Variants in CCNF observed in about 807,000 individuals in gnomAD.
The protein encoded by CCNF is cyclin-F.
A neutral mutation model predicts 85.4 loss-of-function variants in CCNF; 30 were observed. The observed-to-expected ratio is 0.35, with a 90% CI of 0.26 to 0.48. The LOEUF (loss-of-function observed/expected upper bound fraction) is 0.48. Ranked by LOEUF, CCNF falls within the 20% of genes least tolerant of loss-of-function variation. The pLI is 0.99. For missense variants in CCNF, 919 were observed against 1,010.4 expected, an observed-to-expected ratio of 0.91 and a Z score of 1.23; for synonymous variants, 439 against 425.1, an observed-to-expected ratio of 1.03 and a Z score of -0.40.
In CCNF at chr16:2,429,606, G is replaced by T. The variant is rs899585935; in HGVS notation, c.16+109G>T. 1.9e-5 allele frequency: 20 copies of T among 1,043,104 alleles called. No individual in the cohort carries two copies. In the East Asian group the frequency reaches 6.7e-4, roughly 35 times the overall value. 64.6% of individuals were successfully genotyped at this position (1,043,104 alleles called of 1,614,324 possible). Reference sequence around the variant, plus strand: ...GGGAGGCCCTGGCGGCCTGAAGAGGGCTGGCTCGAGCTCTTTAACCCGGGG... The same window carrying T: ...GGGAGGCCCTGGCGGCCTGAAGAGGTCTGGCTCGAGCTCTTTAACCCGGGG... On this transcript the variant is annotated intron_variant, in intron 1 of 16. Coordinates refer to ENST00000397066, the MANE Select transcript of CCNF (RefSeq NM_001761.3).
intron 10 of CCNF, among the ~76,000 whole-genome samples, chr16:2,447,044 C>T (rs1410232467): frequency 2.0e-5 from 3 of 152,170 alleles, no homozygotes; most frequent in African/African-American, 4.8e-5. Flanking sequence ...CCAGGTCTTC[C>T]GACCAGAGAC....
At chr16:2,444,070 C>A (rs921198612) in intron 9 of CCNF, among the ~76,000 whole-genome samples, 1 of 151,920 alleles carries the variant, frequency 6.6e-6, no homozygotes, top group African/African-American at 2.4e-5. Context: ...CAGGCACCCA[C>A]CACCATGCCC....
rs376206216 is a variant in CCNF at position 2,453,171 on chromosome 16, G to C, written c.1488-39G>C. The C allele has an allele frequency of 6.4e-7, 1 of 1,560,920 alleles. No individual in the cohort carries two copies. The highest frequency in any genetic ancestry group is 2.2e-5 in the East Asian group (1 of 44,574). On this transcript the variant is annotated intron_variant, in intron 13 of 16. Transcript: ENST00000397066. This position sits in a 1 kb window ranked among gnomAD's most constrained non-coding sequence, Gnocchi z 5.6. ...GAACTGAAGCTAAAAATGGGGTGGG[G>C]GTGCCTCACATGTCCACTCCACGTG...
intron 6 of CCNF, among the ~76,000 whole-genome samples, chr16:2,438,886 T>C (rs2141818605): frequency 6.6e-6 from 1 of 151,822 alleles, no homozygotes; most frequent in East Asian, 1.9e-4. Flanking sequence ...TAATCCTAGC[T>C]ACTTGGGAGG....
In CCNF at chr16:2,451,889, A is replaced by G. The variant is rs1226008807; in HGVS notation, c.1488-1321A>G. ...CTTCCTGGGAGACTTCACCACTTCCAGAATTCAGGCCACATCTCAACCTTG... is the reference window on the plus strand; with the variant it reads ...CTTCCTGGGAGACTTCACCACTTCCGGAATTCAGGCCACATCTCAACCTTG... On this transcript the variant is annotated intron_variant, in intron 13 of 16. Coordinates refer to ENST00000397066, the MANE Select transcript of CCNF (RefSeq NM_001761.3). The surrounding 1 kb of genome is among the most constrained non-coding windows in gnomAD (Gnocchi z 4.3). 6.6e-6 allele frequency among the ~76,000 whole-genome samples: 1 copy of G among 151,862 alleles called. No individual in the cohort carries two copies. Among genetic ancestry groups the G allele is most frequent in the Non-Finnish European group, 1.5e-5 (1 of 67,962 alleles).
chr16:2,455,431 C>T lies in CCNF; in HGVS notation c.1752C>T (p.Ser584=). 1.9e-6 allele frequency: 3 copies of T among 1,591,876 alleles called. No individual in the cohort carries two copies. The highest frequency in any genetic ancestry group is 2.6e-6 in the Non-Finnish European group (3 of 1,162,436). ...ACAGCCTCCAGGAAGACAGAGGCAG[C>T]TTCGTTACCACCCCCACTGCGGAGC... The part of the protein sequence containing the change: ...RENSLQEDRG[S]FVTTPTAELS... Residue 584 remains serine, a synonymous_variant, in exon 16 of 17, where the codon AGC becomes AGT. Transcript: ENST00000397066.
rs1275964354 is a variant in CCNF, at chr16:2,455,921, C to T, written c.1885+357C>T. ...GCCTGTAGTCTCATGCCTGTAATCC[C>T]AGCAATTTGAGAGGCTGAGGCAGGA... On this transcript the variant is annotated intron_variant, in intron 16 of 16. Coordinates refer to ENST00000397066, the MANE Select transcript of CCNF (RefSeq NM_001761.3). Among the ~76,000 whole-genome samples the T allele has an allele frequency of 3.9e-5, 6 of 152,354 alleles. No homozygotes were observed. The South Asian group carries it at 8.3e-4, about 21-fold the overall frequency.
chr16:2,440,763 T>G (rs756505843), intron 8 of CCNF, among the ~76,000 whole-genome samples: 8 of 151,994 alleles, frequency 5.3e-5, no homozygotes, highest in South Asian at 2.1e-4. Flanking sequence ...CATAGCACAT[T>G]GTGGTGTTCA....
chr16:2,436,551 A>G (rs1463612181), intron 4 of CCNF: 1 of 152,196 alleles, frequency 6.6e-6, no homozygotes, highest in Admixed American at 6.6e-5. Flanking sequence ...CGGCTGGCAG[A>G]ATTGTGACTG....
chr16:2,446,162 C>A (rs1181791066), intron 10 of CCNF, among the ~76,000 whole-genome samples: 1 of 151,964 alleles, frequency 6.6e-6, no homozygotes, highest in African/African-American at 2.4e-5. Context: ...GGGGTGCCTG[C>A]ATCCAGGCAA....
chr16:2,441,563 T>A (rs911442299), intron 8 of CCNF, among the ~76,000 whole-genome samples: 1 of 151,978 alleles, frequency 6.6e-6, no homozygotes, highest in Admixed American at 6.6e-5. Context: ...AGCCAGGAGT[T>A]CTCTCTGTTG....
In CCNF at chr16:2,457,174, A is replaced by T; in HGVS notation, c.*154A>T. The stretch of plus-strand genomic sequence containing the variant: ...GCCACCAAGTTTCTGTCTCCGCGGG[A>T]GTCCCGTGCAAGCCATCAGAATGTT... On this transcript the variant is annotated 3_prime_UTR_variant, in exon 17 of 17. Transcript: ENST00000397066. 1.7e-6 allele frequency: 1 copy of T among 588,400 alleles called. No individual in the cohort carries two copies. The highest frequency in any genetic ancestry group is 3.0e-6 in the Non-Finnish European group (1 of 337,146). The allele number at this position is 588,400 out of a possible 1,614,324, so 36.4% of individuals were successfully genotyped here. A position where few individuals can be genotyped will look rare whatever the true frequency, so the allele number is the denominator to read the frequency against.
At chr16:2,445,338 A>G in intron 9 of CCNF, 120 bp from the exon 10 acceptor site, 1 of 1,185,026 alleles carries the variant, frequency 8.4e-7, no homozygotes, top group Non-Finnish European at 1.2e-6. Context: ...TTCCAGGGTA[A>G]ACCCATGATT....
chr16:2,440,599 A>T (rs1407380709), intron 8 of CCNF, among the ~76,000 whole-genome samples: 1 of 151,640 alleles, frequency 6.6e-6, no homozygotes, highest in Non-Finnish European at 1.5e-5. Flanking sequence ...TGTCTGAAGG[A>T]AAAAAAAAGT....
intron 1 of CCNF, 77 bp from the exon 2 acceptor site, chr16:2,431,053 C>CTT: frequency 7.1e-7 from 1 of 1,413,222 alleles, no homozygotes; most frequent in Non-Finnish European, 1.0e-6. Flanking sequence ...AACTTTTATC[C>CTT]TTTTTTTTTC....
intron 3 of CCNF, among the ~76,000 whole-genome samples, chr16:2,433,992 A>C (rs920766096): frequency 6.6e-6 from 1 of 152,242 alleles, no homozygotes; most frequent in African/African-American, 2.4e-5. Flanking sequence ...TTATCCACAC[A>C]TCACACAATT....
At chr16:2,438,874 T>G (rs950953573) in intron 6 of CCNF, among the ~76,000 whole-genome samples, 4 of 151,704 alleles carry the variant, frequency 2.6e-5, no homozygotes, top group Non-Finnish European at 4.4e-5. Flanking sequence ...GGTGGGCACC[T>G]GTAATCCTAG....
In CCNF at chr16:2,451,583, G is replaced by A. The variant is rs371917368; in HGVS notation, c.1488-1627G>A. ...TGTGGGCTTTTTTTTCCTTTTTTGA[G>A]TTGGGGGCCCAGGCTGGAGTGCAGT... On this transcript the variant is annotated intron_variant, in intron 13 of 16. Coordinates refer to ENST00000397066, the MANE Select transcript of CCNF (RefSeq NM_001761.3). The surrounding 1 kb of genome is among the most constrained non-coding windows in gnomAD (Gnocchi z 4.3). Among the ~76,000 whole-genome samples, 9 of 151,978 alleles carry A rather than the reference G, an allele frequency of 5.9e-5. No individual in the cohort carries two copies. The East Asian group carries it at 9.7e-4, about 16-fold the overall frequency.
intron 1 of CCNF, among the ~76,000 whole-genome samples, chr16:2,430,711 G>C (rs1274557357): frequency 6.6e-6 from 1 of 152,086 alleles, no homozygotes; most frequent in Non-Finnish European, 1.5e-5. Flanking sequence ...TGAACATTAT[G>C]CACCTTGGTC....
Sources: allele counts gnomAD v4.1 joint callset (sites outside exome capture counted in the v4.1 genomes callset), GRCh38; gene constraint gnomAD v4.1.1; non-coding constraint Gnocchi (gnomAD v3.1); transcripts MANE v1.5; gene names NCBI Gene and HGNC (gene_info 2026-07-23, HGNC 2026-07-21).